Variants in OS9 observed in about 807,000 individuals in gnomAD.
OS9 encodes OS9 endoplasmic reticulum lectin.
A neutral mutation model predicts 84.7 loss-of-function variants in OS9; 58 were observed. That is an observed-to-expected ratio of 0.68 (90% CI 0.55 to 0.85). The LOEUF (loss-of-function observed/expected upper bound fraction) is 0.85. Among genes scored for constraint, OS9 ranks in the 40% least tolerant of loss-of-function variants. OS9 has a pLI of 0.00. For missense variants in OS9, 760 were observed against 850.9 expected (o/e 0.89, Z 1.33); for synonymous variants, 278 against 320.8 (o/e 0.87, Z 1.43).
intron 1 of OS9, 144 bp downstream of exon 1, chr12:57,694,467 G>A (rs1252061722): frequency 2.2e-6 from 2 of 909,972 alleles, no homozygotes; most frequent in Non-Finnish European, 3.3e-6. Flanking sequence ...ACCCCTGGGG[G>A]TCGCAGACTG....
intron 7 of OS9, 89 bp downstream of exon 7, chr12:57,716,282 G>GA: frequency 1.3e-6 from 1 of 764,742 alleles, no homozygotes; most frequent in Non-Finnish European, 2.2e-6. Context: ...GGTGGGGTGG[G>GA]GGGGGGTGGA....
At chr12:57,718,489 G>A in intron 11 of OS9, 68 bp downstream of exon 11, 2 of 1,535,382 alleles carry the variant, frequency 1.3e-6, no homozygotes, top group Non-Finnish European at 1.8e-6. Flanking sequence ...CAGGCTGACG[G>A]GCTAAAAGAA....
chr12:57,695,941 T>G, intron 3 of OS9, 21 bp from the exon 4 acceptor site: 1 of 1,592,140 alleles, frequency 6.3e-7, no homozygotes, highest in Non-Finnish European at 8.6e-7. Context: ...TAACAGTGCT[T>G]CACTGTGGCT....
intron 5 of OS9, among the ~76,000 whole-genome samples, chr12:57,710,922 C>T (rs1954307034): frequency 6.6e-6 from 1 of 151,186 alleles, no homozygotes; most frequent in African/African-American, 2.4e-5. Context: ...GTCTGTAGTC[C>T]CAGCTACTCA....
intron 13 of OS9, 29 bp downstream of exon 13, chr12:57,720,292 T>C: frequency 6.2e-7 from 1 of 1,612,938 alleles, no homozygotes; most frequent in Non-Finnish European, 8.5e-7. Context: ...CTGGACCCAG[T>C]GCTGTCGGAA....
Position 57,694,797 on chromosome 12 carries a change from CTA to C in OS9, c.212_213del (p.Tyr71Ter). On this transcript the variant is annotated frameshift_variant, in exon 2 of 15. Transcript: ENST00000315970. LOFTEE classifies it high-confidence loss of function. ...VIVSSKYKQRYECRLPAGAIH... is the reference protein window; with the variant it reads ...VIVSSKYKQRXECRLPAGAIH... ...TTGTCTCCTCTAAGTACAAACAGCG[CTA>C]TGAGTGTCGCCTGCCAGCTGGAGCT... 6.2e-7 allele frequency: 1 copy of C among 1,614,086 alleles called. No homozygotes were observed. The highest frequency in any genetic ancestry group is 8.5e-7 in the Non-Finnish European group (1 of 1,180,024).
intron 5 of OS9, among the ~76,000 whole-genome samples, chr12:57,706,244 T>C (rs1295147439): frequency 3.9e-5 from 6 of 152,236 alleles, no homozygotes; most frequent in Non-Finnish European, 7.3e-5. Context: ...ATGCTTATTC[T>C]GTGTCTATTG....
At chr12:57,720,650 G>C in intron 14 of OS9, 132 bp downstream of exon 14, 1 of 1,296,598 alleles carries the variant, frequency 7.7e-7, no homozygotes, top group Non-Finnish European at 1.1e-6. Context: ...CAGTGGCTCA[G>C]AGTGCTGCCA....
At chr12:57,695,320 G>A (rs1378136171) in intron 2 of OS9, among the ~76,000 whole-genome samples, 4 of 151,926 alleles carry the variant, frequency 2.6e-5, no homozygotes, top group African/African-American at 7.3e-5. Context: ...GTTTATTTTC[G>A]GTCTGATTCC....
Position 57,694,275 on chromosome 12 carries a change from G to A in OS9, c.114G>A (p.Glu38=). The change falls in exon 1 of 15, where the codon GAG becomes GAA. Residue 38 remains glutamate (E), a synonymous_variant. Coordinates refer to ENST00000315970, the MANE Select transcript of OS9 (RefSeq NM_006812.4). The stretch of plus-strand genomic sequence containing the variant: ...GCCTGAACCTGGAGGAGCTGAGTGA[G>A]ATGCGTTATGGGATCGAGATCCTGC... ...VGSLNLEELS[E]MRYGIEILPL... is the part of the protein sequence containing the mutation. 1.9e-6 allele frequency: 3 copies of A among 1,614,208 alleles called. No homozygotes were observed. Among genetic ancestry groups the A allele is most frequent in the Non-Finnish European group, 2.5e-6 (3 of 1,180,040 alleles).
intron 5 of OS9, among the ~76,000 whole-genome samples, chr12:57,714,851 C>G (rs939950766): frequency 6.6e-6 from 1 of 152,128 alleles, no homozygotes; most frequent in Non-Finnish European, 1.5e-5. Flanking sequence ...CCTGCCTTGG[C>G]CTCCCAAAGT....
rs1954575459 is a variant in OS9, at chr12:57,718,405, A to G, written c.1394A>G (p.Glu465Gly). The G allele has an allele frequency of 1.9e-6, 3 of 1,613,752 alleles. No individual in the cohort carries two copies. Among genetic ancestry groups the G allele is most frequent in the East Asian group, 2.2e-5 (1 of 44,872 alleles). ...AAGGCTGGCATGGAGCGGGAACTGGAAAACATCATCCAGGAGGCAAGCCCA... is the reference window on the plus strand; with the variant it reads ...AAGGCTGGCATGGAGCGGGAACTGGGAAACATCATCCAGGAGGCAAGCCCA... ...EVKAGMEREL[E>G]NIIQETEKEL... Residue 465 changes from glutamate (E) to glycine (G), a missense_variant, in exon 11 of 15, where the codon GAA (glutamate) becomes GGA (glycine). Coordinates refer to ENST00000315970, the MANE Select transcript of OS9 (RefSeq NM_006812.4).
chr12:57,697,506 G>A (rs1425097271), intron 5 of OS9, among the ~76,000 whole-genome samples: 2 of 152,144 alleles, frequency 1.3e-5, no homozygotes, highest in African/African-American at 4.8e-5. Flanking sequence ...CAAGATTTTT[G>A]GCTTGAGCAA....
intron 2 of OS9, 106 bp from the exon 3 acceptor site, chr12:57,695,674 G>A (rs968257599): frequency 8.9e-6 from 7 of 782,346 alleles, no homozygotes; most frequent in African/African-American, 6.8e-5. Context: ...AGAGAATTGA[G>A]TGTGTAAGTA....
At chr12:57,699,179 T>C (rs1953949286) in intron 5 of OS9, among the ~76,000 whole-genome samples, 1 of 151,960 alleles carries the variant, frequency 6.6e-6, no homozygotes, top group Non-Finnish European at 1.5e-5. Context: ...GTAGGTATGG[T>C]GAAGGAAAAT....
chr12:57,709,857 A>G (rs1461475530), intron 5 of OS9, among the ~76,000 whole-genome samples: 2 of 145,520 alleles, frequency 1.4e-5, no homozygotes, highest in East Asian at 4.0e-4. Flanking sequence ...TTTTTTTGTT[A>G]TTACTTTTTT....
At chr12:57,711,681 G>A (rs1954339725) in intron 5 of OS9, among the ~76,000 whole-genome samples, 1 of 152,148 alleles carries the variant, frequency 6.6e-6, no homozygotes, top group Non-Finnish European at 1.5e-5. Context: ...ATTCCATTGT[G>A]TGTTCCATCA....
rs1429905622 is a variant in OS9, at chr12:57,719,189, G to A, written c.1600+7G>A. ...CCATCACCCCAACCTACAGGTGAGA[G>A]CAGTCAGACAAGAAAGAGTAGCCCA... On this transcript the variant is annotated splice_region_variant and intron_variant, in intron 12 of 14. Transcript: ENST00000315970. The A allele has an allele frequency of 6.2e-7, 1 of 1,612,408 alleles. No individual in the cohort carries two copies. Among genetic ancestry groups the A allele is most frequent in the Non-Finnish European group, 8.5e-7 (1 of 1,179,072 alleles).
Position 57,718,276 on chromosome 12 carries a change from A to G in OS9, c.1265A>G (p.Asp422Gly). 6.2e-7 allele frequency: 1 copy of G among 1,612,748 alleles called. No individual in the cohort carries two copies. The highest frequency in any genetic ancestry group is 1.3e-5 in the African/African-American group (1 of 75,036). The change falls in exon 11 of 15, where the codon GAT (aspartate) becomes GGT (glycine). Residue 422 changes from aspartate (D) to glycine (G), a missense_variant. Asp to Gly is a moderately conservative substitution (Grantham distance 94, BLOSUM62 -1). Coordinates refer to ENST00000315970, the MANE Select transcript of OS9 (RefSeq NM_006812.4). ...GAAGAAGAGGAGGATGAGGATGAGG[A>G]TGAGGATGAAGATGAGGATGAACGG... ...EMEEEEDEDE[D>G]EDEDEDERQL...
Sources: gnomAD v4.1 joint callset for allele counts (sites outside exome capture counted in the v4.1 genomes callset) on GRCh38, gnomAD v4.1.1 for gene constraint, MANE v1.5 for transcripts, NCBI Gene and HGNC (gene_info 2026-07-23, HGNC 2026-07-21) for gene names.